FAXC: variants seen among roughly 807,000 people sequenced by gnomAD.
FAXC encodes the protein failed axon connections homolog.
FAXC carries 10 observed loss-of-function variants against 41.9 expected under a neutral mutation model. The observed-to-expected ratio is 0.24, with a 90% CI of 0.15 to 0.41. The LOEUF is 0.41. Ranked by LOEUF, FAXC falls within the 10% of genes least tolerant of loss-of-function variation. The pLI is 1.00. For synonymous variants in FAXC, 183 were observed against 183.8 expected (o/e 1.00, Z 0.03); for missense variants, 399 against 510.9 (o/e 0.78, Z 2.11).
intron 1 of FAXC, among the ~76,000 whole-genome samples, chr6:99,348,535 A>T (rs1773677757): frequency 6.6e-6 from 1 of 152,152 alleles, no homozygotes; most frequent in Non-Finnish European, 1.5e-5. Flanking sequence ...AAGCCTGAAG[A>T]TGGTGCTTGG....
chr6:99,323,499 C>T lies in FAXC; in HGVS notation c.768G>A (p.Glu256=). The change falls in exon 4 of 6, where the codon GAG becomes GAA. Residue 256 remains glutamate (E), a synonymous_variant. Coordinates refer to ENST00000389677, the MANE Select transcript of FAXC (RefSeq NM_032511.4). ...TCTCCATCAGCATGTAAATCTCTTCCTCGGAGAAGCGGCCAATGCCGTGGC... is the reference window on the plus strand; with the variant it reads ...TCTCCATCAGCATGTAAATCTCTTCTTCGGAGAAGCGGCCAATGCCGTGGC... The part of the protein sequence containing the change: ...MHGHGIGRFS[E]EEIYMLMEKD... 6.2e-7 allele frequency: 1 copy of T among 1,614,246 alleles called. No individual in the cohort carries two copies. The highest frequency in any genetic ancestry group is 8.5e-7 in the Non-Finnish European group (1 of 1,180,044).
chr6:99,292,632 A>C (rs536830704), intron 4 of FAXC, among the ~76,000 whole-genome samples: 1 of 152,346 alleles, frequency 6.6e-6, no homozygotes, highest in African/African-American at 2.4e-5. Context: ...CACTGTGGGA[A>C]TCTGATCATC....
intron 4 of FAXC, among the ~76,000 whole-genome samples, chr6:99,310,644 C>A (rs368387671): frequency 2.1e-4 from 32 of 152,078 alleles, no homozygotes; most frequent in African/African-American, 7.0e-4. Context: ...TGGTTTTTTT[C>A]TTTTATCTGT....
chr6:99,310,929 G>A (rs909484305), intron 4 of FAXC, among the ~76,000 whole-genome samples: 1 of 151,910 alleles, frequency 6.6e-6, no homozygotes, highest in Non-Finnish European at 1.5e-5. Context: ...ATGAGGTGCT[G>A]TTGCATGATC....
At chr6:99,288,552 A>G (rs996683703) in intron 5 of FAXC, among the ~76,000 whole-genome samples, 1 of 152,236 alleles carries the variant, frequency 6.6e-6, no homozygotes, top group Non-Finnish European at 1.5e-5. Flanking sequence ...AGGGAAACTA[A>G]TATTTTAAAT....
Position 99,343,018 on chromosome 6 carries a change from A to G in FAXC, c.282T>C (p.Ile94=). Residue 94 remains isoleucine, a synonymous_variant, in exon 2 of 6, where the codon ATT becomes ATC. Coordinates refer to ENST00000389677, the MANE Select transcript of FAXC (RefSeq NM_032511.4). ...GCAAAATAATAGCATCTTTAGAGTCAATCTCTTGCTGTTTCCTGTCAAAAC... is the reference window on the plus strand; with the variant it reads ...GCAAAATAATAGCATCTTTAGAGTCGATCTCTTGCTGTTTCCTGTCAAAAC... ...ELLVIRKQQE[I]DSKDAIILHQ... is the part of the protein sequence containing the mutation. 6.2e-7 allele frequency: 1 copy of G among 1,604,914 alleles called. No individual in the cohort carries two copies. Among genetic ancestry groups the G allele is most frequent in the Non-Finnish European group, 8.5e-7 (1 of 1,177,750 alleles).
At chr6:99,308,590 T>C (rs180721716) in intron 4 of FAXC, among the ~76,000 whole-genome samples, 22 of 146,034 alleles carry the variant, frequency 1.5e-4, no homozygotes, top group African/African-American at 4.8e-4. Flanking sequence ...CATCCAGACA[T>C]GAAAGAGTCA....
intron 3 of FAXC, among the ~76,000 whole-genome samples, chr6:99,325,143 G>A (rs919243657): frequency 2.0e-5 from 3 of 151,332 alleles, no homozygotes; most frequent in Non-Finnish European, 2.9e-5. Flanking sequence ...AATATTTTGA[G>A]AGAGAACTCA....
At chr6:99,288,859 T>TACACACACACACACAC (rs55895848) in intron 5 of FAXC, among the ~76,000 whole-genome samples, 27,813 of 145,540 alleles carry the variant, frequency 0.19, 2,879 homozygotes, top group Non-Finnish European at 0.21. Context: ...CACACACACA[T>TACACACACACACACAC]ACACACACAC....
rs1770434345 is a variant in FAXC, at chr6:99,272,211, T to C, written c.*8953A>G. 1 of 151,030 alleles carries C rather than the reference T, an allele frequency of 6.6e-6. No individual in the cohort carries two copies. Among genetic ancestry groups the C allele is most frequent in the Admixed American group, 6.6e-5 (1 of 15,046 alleles). The allele number at this position is 151,030 out of a possible 1,614,324, so 9.4% of individuals were successfully genotyped here. On this transcript the variant is annotated 3_prime_UTR_variant, in exon 6 of 6. Transcript: ENST00000389677. ...GTGTGTTTGAGATGGAGTTTTGCTC[T>C]TGTTGCCCAGGCTGGAGTCAATGGC...
chr6:99,349,136 C>G lies in FAXC; in HGVS notation c.237G>C (p.Ala79=), dbSNP rs367561099. ...LTGGALLAAA[A]YLLHELLVIR... ...TGACCAGGAGTTCGTGGAGCAGATA[C>G]GCAGCTGCGGCCAGCAAAGCTCCCC... The change falls in exon 1 of 6, where the codon GCG becomes GCC. Residue 79 remains alanine, a synonymous_variant. Transcript: ENST00000389677. 1.9e-6 allele frequency: 3 copies of G among 1,613,686 alleles called. No individual in the cohort carries two copies. The African/African-American group carries it at 4.0e-5, about 21-fold the overall frequency.
chr6:99,282,624 A>G (rs1018596142), intron 5 of FAXC, among the ~76,000 whole-genome samples: 2 of 152,188 alleles, frequency 1.3e-5, no homozygotes, highest in African/African-American at 4.8e-5. Context: ...ATTCCAAATG[A>G]AAAAGAAAGA....
chr6:99,318,300 C>CAAAA (rs1445559462), intron 4 of FAXC, among the ~76,000 whole-genome samples: 1,604 of 127,638 alleles, frequency 0.013, 38 homozygotes, highest in East Asian at 0.025. Flanking sequence ...CACACACACA[C>CAAAA]ACACACAAAA....
chr6:99,305,743 G>A (rs1771895061), intron 4 of FAXC, among the ~76,000 whole-genome samples: 1 of 149,874 alleles, frequency 6.7e-6, no homozygotes, highest in African/African-American at 2.4e-5. Flanking sequence ...AGTTTTGAGG[G>A]TAGGTATATT....
At chr6:99,323,385 T>G (rs1433591827) in intron 4 of FAXC, 59 bp downstream of exon 4, 3 of 1,436,780 alleles carry the variant, frequency 2.1e-6, no homozygotes, top group Non-Finnish European at 2.9e-6. Flanking sequence ...AACAGTGTTT[T>G]ACTAATCATG....
intron 4 of FAXC, among the ~76,000 whole-genome samples, chr6:99,322,460 C>T (rs1772629058): frequency 6.6e-6 from 1 of 152,154 alleles, no homozygotes; most frequent in Admixed American, 6.5e-5. Flanking sequence ...AACTCTACTT[C>T]CTAGCAGAGG....
At chr6:99,306,595 G>A (rs776863642) in intron 4 of FAXC, among the ~76,000 whole-genome samples, 1 of 152,118 alleles carries the variant, frequency 6.6e-6, no homozygotes, top group Non-Finnish European at 1.5e-5. Flanking sequence ...CAGGGTGGGG[G>A]CTGGAATCCT....
chr6:99,331,127 G>C (rs1773011175), intron 3 of FAXC, among the ~76,000 whole-genome samples: 1 of 152,160 alleles, frequency 6.6e-6, no homozygotes, highest in African/African-American at 2.4e-5. Context: ...TATTAGATAT[G>C]TGCATCTCAA....
intron 5 of FAXC, among the ~76,000 whole-genome samples, chr6:99,287,326 A>G (rs553845199): frequency 2.0e-5 from 3 of 152,294 alleles, no homozygotes; most frequent in Non-Finnish European, 4.4e-5. Flanking sequence ...ACATACCACA[A>G]TATCAGCAAT....
Sources: allele counts gnomAD v4.1 joint callset (sites outside exome capture counted in the v4.1 genomes callset), GRCh38; gene constraint gnomAD v4.1.1; transcripts MANE v1.5; gene names NCBI Gene and HGNC (gene_info 2026-07-23, HGNC 2026-07-21).